GNA13: variants seen among roughly 807,000 people sequenced by gnomAD.
GNA13 encodes guanine nucleotide-binding protein subunit alpha-13.
Under a neutral mutation model 33.5 loss-of-function variants are expected in GNA13, and 4 were observed. The ratio of observed to expected loss-of-function variants is 0.12; its 90% CI spans 0.06 to 0.27. The LOEUF (loss-of-function observed/expected upper bound fraction) is 0.27. Among genes scored for constraint, GNA13 ranks in the 10% least tolerant of loss-of-function variants. The pLI is 1.00. For missense variants in GNA13, 319 were observed against 487.2 expected, an observed-to-expected ratio of 0.65 and a Z score of 3.25; for synonymous variants, 176 against 183.8, an observed-to-expected ratio of 0.96 and a Z score of 0.34.
intron 2 of GNA13, among the ~76,000 whole-genome samples, chr17:65,043,502 G>A (rs190258525): frequency 1.9e-4 from 29 of 152,184 alleles, no homozygotes; most frequent in Admixed American, 3.9e-4. Flanking sequence ...GCCCAGGCTG[G>A]TCTCAAACTC....
intron 1 of GNA13, 62 bp downstream of exon 1, chr17:65,056,249 G>GCCCCCC: frequency 9.2e-5 from 71 of 774,776 alleles, no homozygotes; most frequent in Middle Eastern, 4.3e-4. Flanking sequence ...GCCCCGCCCC[G>GCCCCCC]CACCCGCCGC....
chr17:65,034,046 GAAC>G (rs1026143954), intron 2 of GNA13, among the ~76,000 whole-genome samples: 3 of 71,762 alleles, frequency 4.2e-5, no homozygotes, highest in Non-Finnish European at 9.6e-5. Flanking sequence ...AAATCCAAAA[GAAC>G]CAAAATTAGT....
chr17:65,036,433 C>T (rs1200416846), intron 2 of GNA13, among the ~76,000 whole-genome samples: 3 of 152,176 alleles, frequency 2.0e-5, no homozygotes, highest in East Asian at 1.9e-4. Flanking sequence ...GGGCCAGGCA[C>T]GGTGGCTCAC....
At chr17:65,020,816 A>G (rs1379119135) in intron 2 of GNA13, among the ~76,000 whole-genome samples, 1 of 151,760 alleles carries the variant, frequency 6.6e-6, no homozygotes. Flanking sequence ...GCGCCTGGCT[A>G]ATTTTTGTAT....
chr17:65,019,248 A>C (rs568469417), intron 2 of GNA13, among the ~76,000 whole-genome samples: 1 of 152,318 alleles, frequency 6.6e-6, no homozygotes, highest in Admixed American at 6.5e-5. Context: ...AAAGCTTGAA[A>C]GTAGCAGTTC....
At position 65,017,967 on chromosome 17, in the gene GNA13, G is replaced by A. The variant is rs559049554; in HGVS notation, c.561+286C>T. 5.3e-5 allele frequency among the ~76,000 whole-genome samples: 8 copies of A among 151,114 alleles called. No homozygotes were observed. In the South Asian group the frequency reaches 1.7e-3, roughly 32 times the overall value. On this transcript the variant is annotated intron_variant, in intron 3 of 3. Coordinates refer to ENST00000439174, the MANE Select transcript of GNA13 (RefSeq NM_006572.6). ...ATGGTAGAGACCTGGACAGTTAGAG[G>A]GAGAAAAAAGAAGTGTCGTGATTAA...
intron 2 of GNA13, among the ~76,000 whole-genome samples, chr17:65,046,463 A>G (rs1299323031): frequency 6.6e-6 from 1 of 151,874 alleles, no homozygotes; most frequent in Non-Finnish European, 1.5e-5. Flanking sequence ...GCTAATTTTT[A>G]AAATTATTTG....
chr17:65,024,477 T>G (rs1268041005), intron 2 of GNA13, among the ~76,000 whole-genome samples: 1 of 152,254 alleles, frequency 6.6e-6, no homozygotes, highest in African/African-American at 2.4e-5. Flanking sequence ...GTTTATATTT[T>G]TAATCTCATC....
intron 2 of GNA13, among the ~76,000 whole-genome samples, chr17:65,045,059 A>G (rs1353620095): frequency 6.6e-5 from 10 of 151,378 alleles, no homozygotes; most frequent in Admixed American, 2.0e-4. Context: ...AAAAAAAAAA[A>G]GAAAAGAAAA....
rs956983027 is a variant in GNA13 at position 65,012,265 on chromosome 17, A to G, written c.*1992T>C. Reference sequence around the variant, plus strand: ...CTATAGGGATCTAACTTGAGCCCTCACTGGAGTCAAATGTTTTGGCCATTC... The same window carrying G: ...CTATAGGGATCTAACTTGAGCCCTCGCTGGAGTCAAATGTTTTGGCCATTC... On this transcript the variant is annotated 3_prime_UTR_variant, in exon 4 of 4. Transcript: ENST00000439174. 1 of 222,972 alleles carries G rather than the reference A, an allele frequency of 4.5e-6. No individual in the cohort carries two copies. The highest frequency in any genetic ancestry group is 9.0e-6 in the Non-Finnish European group (1 of 111,646). 13.8% of individuals were successfully genotyped at this position (222,972 alleles called of 1,614,324 possible).
rs1175855522 is a variant in GNA13 at position 65,018,270 on chromosome 17, C to G, written c.544G>C (p.Asp182His). 6.6e-7 allele frequency: 1 copy of G among 1,526,504 alleles called. No individual in the cohort carries two copies. Among genetic ancestry groups the G allele is most frequent in the Non-Finnish European group, 9.1e-7 (1 of 1,100,350 alleles). The allele number at this position is 1,526,504 out of a possible 1,614,324, so 94.6% of individuals were successfully genotyped here. ...ESVKYFLDNL[D>H]KLGEPDYIPS... The stretch of plus-strand genomic sequence containing the variant: ...ACACTTACTGGTTCTCCAAGTTTAT[C>G]CAAGTTATCCAGGAAATATTTTACA... Residue 182 changes from aspartate (D) to histidine (H), a missense_variant, in exon 3 of 4, where the codon GAT (aspartate) becomes CAT (histidine). Transcript: ENST00000439174.
chr17:65,025,118 GA>G (rs1386189679), intron 2 of GNA13, among the ~76,000 whole-genome samples: 1 of 151,966 alleles, frequency 6.6e-6, no homozygotes, highest in Non-Finnish European at 1.5e-5. Context: ...GGGTGGTCTC[GA>G]ACTCCTGGAC....
chr17:65,032,044 T>A (rs1274218115), intron 2 of GNA13, among the ~76,000 whole-genome samples: 1 of 151,672 alleles, frequency 6.6e-6, no homozygotes, highest in Non-Finnish European at 1.5e-5. Flanking sequence ...CTTGATAAAG[T>A]CATATATAAA....
chr17:65,048,624 A>C (rs1354916156), intron 2 of GNA13, among the ~76,000 whole-genome samples: 1 of 152,232 alleles, frequency 6.6e-6, no homozygotes, highest in African/African-American at 2.4e-5. Context: ...CCAAAAAAGG[A>C]AATGTTTACC....
chr17:65,017,033 AT>A lies in GNA13; in HGVS notation c.561+1219del, dbSNP rs376703694. ...TACTGCAATTAAAATTCTCATGCAC[AT>A]TTTTTTTTTCCTTTGGACTATTTCC... On this transcript the variant is annotated intron_variant, in intron 3 of 3. Coordinates refer to ENST00000439174, the MANE Select transcript of GNA13 (RefSeq NM_006572.6). Among the ~76,000 whole-genome samples, 1,241 of 149,766 alleles carry A rather than the reference AT, an allele frequency of 8.3e-3. 15 individuals are homozygous for A. Among genetic ancestry groups the A allele is most frequent in the African/African-American group, 0.026 (1,072 of 40,886 alleles).
At chr17:65,040,323 C>T (rs1008749222) in intron 2 of GNA13, among the ~76,000 whole-genome samples, 1 of 152,154 alleles carries the variant, frequency 6.6e-6, no homozygotes, top group African/African-American at 2.4e-5. Context: ...AGTTTAAAGT[C>T]CCTACCATGT....
At chr17:65,031,660 A>T (rs578152252) in intron 2 of GNA13, among the ~76,000 whole-genome samples, 2 of 152,302 alleles carry the variant, frequency 1.3e-5, no homozygotes, top group African/African-American at 2.4e-5. Context: ...ATCCAGGTCA[A>T]AATGTTTTCT....
rs547541013 is a variant in GNA13, at chr17:65,056,371, C to G, written c.223G>C (p.Asp75His). ...LKQMRIIHGQDFDQRAREEFR... is the reference protein window; with the variant it reads ...LKQMRIIHGQHFDQRAREEFR... ...TCCTCGCGCGCGCGCTGGTCGAAGT[C>G]CTGCCCGTGGATGATCCGCATCTGC... Residue 75 changes from aspartate to histidine, a missense_variant, in exon 1 of 4, where the codon GAC (aspartate) becomes CAC (histidine). Transcript: ENST00000439174. 1 of 1,613,150 alleles carries G rather than the reference C, an allele frequency of 6.2e-7. No homozygotes were observed. Among genetic ancestry groups the G allele is most frequent in the East Asian group, 2.2e-5 (1 of 44,816 alleles).
At chr17:65,054,897 T>C (rs988573843) in intron 1 of GNA13, among the ~76,000 whole-genome samples, 1 of 152,192 alleles carries the variant, frequency 6.6e-6, no homozygotes, top group East Asian at 1.9e-4. Context: ...GAGCTAAACA[T>C]TACAGCAGGA....
Sources: allele counts gnomAD v4.1 joint callset (sites outside exome capture counted in the v4.1 genomes callset), GRCh38; gene constraint gnomAD v4.1.1; transcripts MANE v1.5; gene names NCBI Gene and HGNC (gene_info 2026-07-23, HGNC 2026-07-21).